Variants in APPL1 observed in about 807,000 individuals in gnomAD.
The protein encoded by APPL1 is adaptor protein, phosphotyrosine interacting with PH domain and leucine zipper 1.
APPL1 carries 42 observed loss-of-function variants against 106.8 expected under a neutral mutation model. That is an observed-to-expected ratio of 0.39 (90% confidence interval 0.31 to 0.51). APPL1 has a LOEUF of 0.51. APPL1 is among the 20% of genes least tolerant of loss of function. The pLI is 0.75. For missense variants in APPL1, 769 were observed against 858.2 expected, an observed-to-expected ratio of 0.90 and a Z score of 1.30; for synonymous variants, 263 against 281.8, an observed-to-expected ratio of 0.93 and a Z score of 0.67.
At chr3:57,243,964 G>T (rs571967379) in intron 7 of APPL1, among the ~76,000 whole-genome samples, 6 of 152,210 alleles carry the variant, frequency 3.9e-5, no homozygotes, top group East Asian at 1.9e-4. Context: ...TCAAAGACTG[G>T]ATACTCCACA....
At chr3:57,255,743 C>T (rs1451813752) in intron 13 of APPL1, among the ~76,000 whole-genome samples, 1 of 152,096 alleles carries the variant, frequency 6.6e-6, no homozygotes, top group Non-Finnish European at 1.5e-5. Flanking sequence ...ATTTGATCTC[C>T]TGCCAATCTA....
At chr3:57,235,452 C>A in intron 1 of APPL1, 114 bp from the exon 2 acceptor site, 1 of 566,074 alleles carries the variant, frequency 1.8e-6, no homozygotes. Flanking sequence ...TAGATTAAAA[C>A]TCAGAATTAC....
Position 57,227,793 on chromosome 3 carries a change from G to C in APPL1, c.-91G>C. On this transcript the variant is annotated 5_prime_UTR_variant, in exon 1 of 22. Coordinates refer to ENST00000288266, the MANE Select transcript of APPL1 (RefSeq NM_012096.3). ...GGACGGCTGCAGCCCTTGCCGGAGA[G>C]GGCGGGCCGGGGTCAGCTGCGGCGG... 1 of 1,177,494 alleles carries C rather than the reference G, an allele frequency of 8.5e-7. No individual in the cohort carries two copies. Among genetic ancestry groups the C allele is most frequent in the Middle Eastern group, 3.0e-4 (1 of 3,290 alleles). The allele number at this position is 1,177,494 out of a possible 1,614,324, so 72.9% of individuals were successfully genotyped here.
At chr3:57,253,807 T>C in intron 13 of APPL1, 69 bp downstream of exon 13, 1 of 1,277,042 alleles carries the variant, frequency 7.8e-7, no homozygotes, top group South Asian at 1.7e-5. Flanking sequence ...CATGTTTTTA[T>C]TAATTCATAA....
chr3:57,263,102 C>T (rs1030826121), intron 19 of APPL1, among the ~76,000 whole-genome samples: 5 of 151,314 alleles, frequency 3.3e-5, no homozygotes, highest in South Asian at 2.1e-4. Flanking sequence ...CCGCCTGCCT[C>T]GGCCTCCCAA....
intron 11 of APPL1, among the ~76,000 whole-genome samples, chr3:57,249,990 T>C (rs2060794649): frequency 6.6e-6 from 1 of 152,202 alleles, no homozygotes; most frequent in South Asian, 2.1e-4. Flanking sequence ...TTGTAATCCC[T>C]ATCGTAAATT....
At chr3:57,243,893 T>C (rs2060759208) in intron 7 of APPL1, among the ~76,000 whole-genome samples, 1 of 152,144 alleles carries the variant, frequency 6.6e-6, no homozygotes, top group Non-Finnish European at 1.5e-5. Flanking sequence ...GCACCTAATA[T>C]ACGTCAAGCA....
intron 19 of APPL1, among the ~76,000 whole-genome samples, chr3:57,267,104 A>G (rs2060898531): frequency 1.3e-5 from 2 of 152,194 alleles, no homozygotes; most frequent in East Asian, 1.9e-4. Context: ...TTTGGGCAAT[A>G]TGGTTATTTT....
intron 1 of APPL1, among the ~76,000 whole-genome samples, chr3:57,232,086 T>C (rs2060689713): frequency 6.6e-6 from 1 of 152,222 alleles, no homozygotes; most frequent in South Asian, 2.1e-4. Flanking sequence ...GCCTTGTCCA[T>C]ATTTATATGT....
intron 8 of APPL1, 31 bp downstream of exon 8, chr3:57,246,253 T>C (rs1202085382): frequency 2.0e-6 from 3 of 1,475,092 alleles, no homozygotes; most frequent in Non-Finnish European, 2.7e-6. Context: ...GGATTATAAC[T>C]GTCCTAAAAG....
At chr3:57,250,808 T>C (rs1022704814) in intron 11 of APPL1, among the ~76,000 whole-genome samples, 109 of 142,270 alleles carry the variant, frequency 7.7e-4, no homozygotes, top group African/African-American at 2.5e-3. Flanking sequence ...TTCTTTCTTT[T>C]TTTTTTTTTT....
chr3:57,233,593 A>G (rs541421379), intron 1 of APPL1, among the ~76,000 whole-genome samples: 1 of 152,088 alleles, frequency 6.6e-6, no homozygotes, highest in Non-Finnish European at 1.5e-5. Context: ...AAATAGCACT[A>G]TATGGAATTG....
chr3:57,269,574 T>TC lies in APPL1; in HGVS notation c.2019dup (p.Ser674GlnfsTer2), dbSNP rs780586582. On this transcript the variant is annotated frameshift_variant, in exon 22 of 22. Coordinates refer to ENST00000288266, the MANE Select transcript of APPL1 (RefSeq NM_012096.3). LOFTEE classifies it high-confidence loss of function. ...AGAACAAAGTCGGTTGATAGCTGCT[T>TC]CCAGTAGACCAAACCAAGCCAGTAG... 6.2e-7 allele frequency: 1 copy of TC among 1,613,942 alleles called. No homozygotes were observed. Among genetic ancestry groups the TC allele is most frequent in the African/African-American group, 1.3e-5 (1 of 74,916 alleles).
intron 10 of APPL1, 56 bp downstream of exon 10, chr3:57,248,407 T>G: frequency 6.6e-7 from 1 of 1,520,014 alleles, no homozygotes; most frequent in Non-Finnish European, 8.9e-7. Flanking sequence ...CAATACCAAA[T>G]GAATATAGTA....
At chr3:57,249,693 T>A in intron 11 of APPL1, 145 bp downstream of exon 11, 1 of 750,546 alleles carries the variant, frequency 1.3e-6, no homozygotes, top group Non-Finnish European at 2.0e-6. Context: ...TGTAGAAATA[T>A]ATTGAATTTT....
Position 57,270,590 on chromosome 3 carries a change from T to TAACA in APPL1, c.*905_*908dup, listed in dbSNP as rs984771030. 1.3e-5 allele frequency: 2 copies of TAACA among 152,682 alleles called. No homozygotes were observed. Among genetic ancestry groups the TAACA allele is most frequent in the African/African-American group, 4.8e-5 (2 of 41,476 alleles). The allele number at this position is 152,682 out of a possible 1,614,324, so 9.5% of individuals were successfully genotyped here. A position where few individuals can be genotyped will look rare whatever the true frequency, so the allele number is the denominator to read the frequency against. On this transcript the variant is annotated 3_prime_UTR_variant, in exon 22 of 22. Transcript: ENST00000288266. ...AAGTGACATTTCAAAAGAAGTTCTA[T>TAACA]AACAATTATGTTTCATGCTTAAAGT...
Position 57,268,429 on chromosome 3 carries a change from T to G in APPL1, c.1925T>G (p.Ile642Arg), listed in dbSNP as rs948238422. Residue 642 changes from isoleucine (I) to arginine (R), a missense_variant, in exon 21 of 22, where the codon ATA becomes AGA. Coordinates refer to ENST00000288266, the MANE Select transcript of APPL1 (RefSeq NM_012096.3). ...AGGGCATCAGAAAAACAAAAAGAAA[T>G]AGAGAGAGTAAAAGAGAAGCAACAG... ...DRRASEKQKE[I>R]ERVKEKQQKE... 6 of 1,600,246 alleles carry G rather than the reference T, an allele frequency of 3.7e-6. No homozygotes were observed. The highest frequency in any genetic ancestry group is 2.7e-5 in the African/African-American group (2 of 74,430).
At position 57,244,893 on chromosome 3, in the gene APPL1, G is replaced by A. The variant is rs191514811; in HGVS notation, c.475-1183G>A. 8.5e-5 allele frequency among the ~76,000 whole-genome samples: 13 copies of A among 152,138 alleles called. No individual in the cohort carries two copies. In the East Asian group the frequency reaches 9.7e-4, roughly 11 times the overall value. ...TGTTACTGAAAATGGAGAGGAAGGA[G>A]TACTTTTGGGAGATATTTTTTTAAG... is the stretch of plus-strand genomic sequence containing the variant. On this transcript the variant is annotated intron_variant, in intron 7 of 21. Coordinates refer to ENST00000288266, the MANE Select transcript of APPL1 (RefSeq NM_012096.3).
intron 19 of APPL1, among the ~76,000 whole-genome samples, chr3:57,262,813 GGTGTGTGTGTGTGT>G (rs4060605): frequency 2.8e-5 from 4 of 142,706 alleles, no homozygotes; most frequent in Admixed American, 1.4e-4. Context: ...GGGTACAAGG[GGTGTGTGTGTGTGT>G]GTGTGTGTGT....
Sources: gnomAD v4.1 joint callset for allele counts (sites outside exome capture counted in the v4.1 genomes callset) on GRCh38, gnomAD v4.1.1 for gene constraint, MANE v1.5 for transcripts, NCBI Gene and HGNC (gene_info 2026-07-23, HGNC 2026-07-21) for gene names.